The following DIP2B variants were observed in gnomAD, a reference collection of about 807,000 sequenced individuals.
DIP2B encodes the protein disco-interacting protein 2 homolog B.
A neutral mutation model predicts 198.0 loss-of-function variants in DIP2B; 76 were observed. That is an observed-to-expected ratio of 0.38 (90% CI 0.32 to 0.46). The LOEUF (loss-of-function observed/expected upper bound fraction) is 0.46. DIP2B is among the 20% of genes least tolerant of loss of function. The probability of loss-of-function intolerance (pLI) is 0.99; values close to 1 mark genes in which losing one functional copy is unlikely to be tolerated. For synonymous variants in DIP2B, 701 were observed against 739.1 expected (o/e 0.95, Z 0.84); for missense variants, 1,559 against 1,978.4 (o/e 0.79, Z 4.02).
chr12:50,566,831 G>A (rs1391749060), intron 1 of DIP2B, among the ~76,000 whole-genome samples: 2 of 152,042 alleles, frequency 1.3e-5, no homozygotes, highest in African/African-American at 4.8e-5. Context: ...AATTAGCCAG[G>A]CGTGGTGGCG....
intron 27 of DIP2B, among the ~76,000 whole-genome samples, chr12:50,723,757 A>G (rs1262981851): frequency 6.6e-6 from 1 of 152,132 alleles, no homozygotes. Flanking sequence ...AGAAAAAAAA[A>G]AAGTGTTTCC....
chr12:50,596,733 C>T (rs915790144), intron 1 of DIP2B, among the ~76,000 whole-genome samples: 83 of 151,988 alleles, frequency 5.5e-4, no homozygotes, highest in African/African-American at 1.8e-3. Context: ...GTCTCATAAC[C>T]CAGTCTCTAA....
chr12:50,725,870 T>TTA (rs1555195495), intron 28 of DIP2B, among the ~76,000 whole-genome samples: 16 of 151,212 alleles, frequency 1.1e-4, no homozygotes, highest in South Asian at 4.2e-4. Flanking sequence ...TTTTTTTTTT[T>TTA]AACTCTGGAT....
At chr12:50,628,797 A>G (rs1295769715) in intron 2 of DIP2B, among the ~76,000 whole-genome samples, 1 of 152,182 alleles carries the variant, frequency 6.6e-6, no homozygotes, top group East Asian at 1.9e-4. Context: ...TTCTGGAGCT[A>G]TTGCCATCTA....
intron 3 of DIP2B, among the ~76,000 whole-genome samples, chr12:50,647,251 TG>T (rs1281793380): frequency 6.6e-6 from 1 of 152,024 alleles, no homozygotes; most frequent in African/African-American, 2.4e-5. Flanking sequence ...GGTTTCACCA[TG>T]TTGCCTAAGC....
At chr12:50,740,681 T>TA (rs1452891063) in intron 36 of DIP2B, among the ~76,000 whole-genome samples, 1 of 152,262 alleles carries the variant, frequency 6.6e-6, no homozygotes, top group East Asian at 1.9e-4. Context: ...TTCCAGAAAT[T>TA]ACTGCAAAAT....
chr12:50,698,363 C>G lies in DIP2B; in HGVS notation c.2084C>G (p.Ala695Gly), dbSNP rs1446815929. The change falls in exon 18 of 38, where the codon GCC becomes GGC. Residue 695 changes from alanine to glycine, a missense_variant. Transcript: ENST00000301180. ...GVPGAPLPGR[A>G]ILSMNGLSYG... Reference sequence around the variant, plus strand: ...CCAGGAGCCCCTTTGCCAGGAAGAGCCATTCTCTCAATGAATGGATTGAGC... The same window carrying G: ...CCAGGAGCCCCTTTGCCAGGAAGAGGCATTCTCTCAATGAATGGATTGAGC... The G allele has an allele frequency of 2.5e-6, 4 of 1,613,378 alleles. No individual in the cohort carries two copies. The highest frequency in any genetic ancestry group is 3.4e-6 in the Non-Finnish European group (4 of 1,179,674).
At chr12:50,725,612 A>AATGAT (rs1939918152) in intron 28 of DIP2B, among the ~76,000 whole-genome samples, 1 of 152,120 alleles carries the variant, frequency 6.6e-6, no homozygotes, top group Non-Finnish European at 1.5e-5. Flanking sequence ...AAATGATGTA[A>AATGAT]CACAAAGCTT....
At chr12:50,566,971 CAAAAAAAAAAA>C (rs34854416) in intron 1 of DIP2B, among the ~76,000 whole-genome samples, 6 of 78,472 alleles carry the variant, frequency 7.6e-5, no homozygotes, top group Admixed American at 1.4e-4. Context: ...GACTCCGTCT[CAAAAAAAAAAA>C]AAAAAAAAAA....
At chr12:50,677,445 T>A (rs1938965875) in intron 7 of DIP2B, among the ~76,000 whole-genome samples, 1 of 152,010 alleles carries the variant, frequency 6.6e-6, no homozygotes, top group Admixed American at 6.6e-5. Context: ...TGAAACCCCG[T>A]CTCTACTAAA....
intron 1 of DIP2B, among the ~76,000 whole-genome samples, chr12:50,560,415 A>G (rs1289591093): frequency 6.6e-6 from 1 of 151,608 alleles, no homozygotes; most frequent in Non-Finnish European, 1.5e-5. Flanking sequence ...AAAAAGCAAA[A>G]AACTTAGCTG....
At chr12:50,542,627 C>G (rs756102806) in intron 1 of DIP2B, among the ~76,000 whole-genome samples, 1 of 152,120 alleles carries the variant, frequency 6.6e-6, no homozygotes, top group Non-Finnish European at 1.5e-5. Flanking sequence ...AACAACAGGG[C>G]CTGTGTTTGA....
rs767957991 is a variant in DIP2B, at chr12:50,745,569, G to T, written c.*730G>T. 6.6e-6 allele frequency: 1 copy of T among 152,476 alleles called. No homozygotes were observed. The highest frequency in any genetic ancestry group is 6.5e-5 in the Admixed American group (1 of 15,282). 9.4% of individuals were successfully genotyped at this position (152,476 alleles called of 1,614,324 possible). ...TTGTTGGCAGGTTTTGCTGCACATTGTTCTATGTCTTTGTTGGCTGGTGTA... is the reference window on the plus strand; with the variant it reads ...TTGTTGGCAGGTTTTGCTGCACATTTTTCTATGTCTTTGTTGGCTGGTGTA... On this transcript the variant is annotated 3_prime_UTR_variant, in exon 38 of 38. Coordinates refer to ENST00000301180, the MANE Select transcript of DIP2B (RefSeq NM_173602.3).
At chr12:50,739,802 C>A (rs919606695) in intron 36 of DIP2B, among the ~76,000 whole-genome samples, 1 of 152,206 alleles carries the variant, frequency 6.6e-6, no homozygotes, top group South Asian at 2.1e-4. Context: ...AGGAGCATCC[C>A]GAGCTGTGAG....
At chr12:50,519,807 G>A (rs1394179696) in intron 1 of DIP2B, among the ~76,000 whole-genome samples, 1 of 74,776 alleles carries the variant, frequency 1.3e-5, no homozygotes, top group African/African-American at 5.2e-5. Context: ...TTTTCTTGGA[G>A]GTTTTTTTTT....
At chr12:50,697,915 T>C (rs1939346713) in intron 17 of DIP2B, among the ~76,000 whole-genome samples, 1 of 152,086 alleles carries the variant, frequency 6.6e-6, no homozygotes, top group Admixed American at 6.6e-5. Context: ...AAATTTAATT[T>C]TTGAGAGATG....
At chr12:50,585,965 A>AT (rs1337744644) in intron 1 of DIP2B, among the ~76,000 whole-genome samples, 1 of 152,264 alleles carries the variant, frequency 6.6e-6, no homozygotes, top group Non-Finnish European at 1.5e-5. Flanking sequence ...GATACCTAGC[A>AT]TAGTGCCACT....
intron 1 of DIP2B, among the ~76,000 whole-genome samples, chr12:50,618,608 G>A (rs1206485279): frequency 2.0e-5 from 3 of 152,198 alleles, no homozygotes; most frequent in Admixed American, 6.5e-5. Context: ...AAGAGCAGGG[G>A]CTCTGGAGCC....
chr12:50,561,054 A>G (rs1415001880), intron 1 of DIP2B, among the ~76,000 whole-genome samples: 1 of 152,218 alleles, frequency 6.6e-6, no homozygotes, highest in African/African-American at 2.4e-5. Flanking sequence ...TCTAACCCCT[A>G]TGCACATTAG....
Sources: gnomAD v4.1 joint callset for allele counts (sites outside exome capture counted in the v4.1 genomes callset) on GRCh38, gnomAD v4.1.1 for gene constraint, MANE v1.5 for transcripts, NCBI Gene and HGNC (gene_info 2026-07-23, HGNC 2026-07-21) for gene names.